The following OSR1 variants were observed in gnomAD, a reference collection of about 807,000 sequenced individuals.
OSR1 encodes the protein odd-skipped related transcription factor 1.
Under a neutral mutation model 15.7 loss-of-function variants are expected in OSR1, and 3 were observed. The observed-to-expected ratio is 0.19, with a 90% CI of 0.09 to 0.50. The LOEUF (loss-of-function observed/expected upper bound fraction) is 0.50. Among genes scored for constraint, OSR1 ranks in the 20% least tolerant of loss-of-function variants. The probability of loss-of-function intolerance (pLI) is 0.97; values close to 1 mark genes in which losing one functional copy is unlikely to be tolerated. For missense variants in OSR1, 271 were observed against 351.1 expected (o/e 0.77, Z 1.82); for synonymous variants, 166 against 152.7 (o/e 1.09, Z -0.64).
Position 19,352,267 on chromosome 2 carries a change from G to A in OSR1, c.*8C>T, listed in dbSNP as rs1468973783. On this transcript the variant is annotated 3_prime_UTR_variant, in exon 3 of 3. Transcript: ENST00000272223. ...GGGCCTAGGGTCCTTGTGACCCACAGGTTCTATTTAGCATTTGATCTTGGA... is the reference window on the plus strand; with the variant it reads ...GGGCCTAGGGTCCTTGTGACCCACAAGTTCTATTTAGCATTTGATCTTGGA... The A allele has an allele frequency of 1.9e-6, 3 of 1,614,052 alleles. No individual in the cohort carries two copies. The highest frequency in any genetic ancestry group is 1.6e-4 in the Middle Eastern group (1 of 6,062).
chr2:19,355,108 G>A (rs556492261), intron 1 of OSR1: 1 of 152,390 alleles, frequency 6.6e-6, no homozygotes, highest in South Asian at 2.1e-4. Flanking sequence ...AAAGAACAGG[G>A]TGAGCAAAGT....
At position 19,352,927 on chromosome 2, in the gene OSR1, C is replaced by G. The variant is rs1003211628; in HGVS notation, c.665+214G>C. Among the ~76,000 whole-genome samples, 9 of 152,304 alleles carry G rather than the reference C, an allele frequency of 5.9e-5. No homozygotes were observed. In the East Asian group the frequency reaches 1.5e-3, roughly 26 times the overall value. ...GCTTGTCTGGAGCTCACGGAGACCTCACTTAATCTTGGGTCCTCTTTATTC... is the reference window on the plus strand; with the variant it reads ...GCTTGTCTGGAGCTCACGGAGACCTGACTTAATCTTGGGTCCTCTTTATTC... On this transcript the variant is annotated intron_variant, in intron 2 of 2. Coordinates refer to ENST00000272223, the MANE Select transcript of OSR1 (RefSeq NM_145260.3).
At chr2:19,350,786 C>A (rs1216518180), downstream of OSR1, among the ~76,000 whole-genome samples, 11 of 152,164 alleles carry the variant, frequency 7.2e-5, no homozygotes, top group Non-Finnish European at 7.4e-5. Flanking sequence ...CTAAGCGTCC[C>A]GGGCCTCCCA....
chr2:19,353,258 T>A lies in OSR1; in HGVS notation c.548A>T (p.His183Leu). 6.2e-7 allele frequency: 1 copy of A among 1,614,196 alleles called. No individual in the cohort carries two copies. The highest frequency in any genetic ancestry group is 1.1e-5 in the South Asian group (1 of 91,086). ...AAGTAGGTTGTAGGACTTGGTGAAG[T>A]GGCGGCCACAGAACTTGCAGACGAA... ...KEFVCKFCGR[H>L]FTKSYNLLIH... Residue 183 changes from histidine (H) to leucine (L), a missense_variant, in exon 2 of 3, where the codon CAC becomes CTC. By Grantham distance (99) the His-to-Leu change is moderately conservative. This residue lies in a region of OSR1 where 32 missense variants were observed against 66.8 expected (regional missense o/e 0.48). Coordinates refer to ENST00000272223, the MANE Select transcript of OSR1 (RefSeq NM_145260.3).
At chr2:19,351,070 G>A (rs1664829083), downstream of OSR1, among the ~76,000 whole-genome samples, 1 of 152,178 alleles carries the variant, frequency 6.6e-6, no homozygotes, top group Non-Finnish European at 1.5e-5. Flanking sequence ...GGCCAGGAGG[G>A]AGGCCTTCGG....
At position 19,353,167 on chromosome 2, in the gene OSR1, C is replaced by T. The variant is rs1207208398; in HGVS notation, c.639G>A (p.Arg213=). Residue 213 remains arginine, a synonymous_variant, in exon 2 of 3, where the codon CGG becomes CGA. Transcript: ENST00000272223. ...TGTGGTCTCGCAGGTGGTCTTGCCT[C>T]CGGAAGGCTTTGTGGCAGATGTCAC... ...YTCDICHKAF[R]RQDHLRDHRY... 18 of 1,614,038 alleles carry T rather than the reference C, an allele frequency of 1.1e-5. No individual in the cohort carries two copies. Among genetic ancestry groups the T allele is most frequent in the Non-Finnish European group, 1.4e-5 (17 of 1,179,872 alleles).
At chr2:19,352,433 C>A (rs747221366) in intron 2 of OSR1, 23 bp from the exon 3 acceptor site, 25 of 1,613,090 alleles carry the variant, frequency 1.5e-5, no homozygotes, top group Non-Finnish European at 2.0e-5. Flanking sequence ...ACAGAGAGTT[C>A]ATCCTTGCAA....
At chr2:19,345,661 G>A in the OSR1 span, among the ~76,000 whole-genome samples, 1 of 152,138 alleles carries the variant, frequency 6.6e-6, no homozygotes, top group Non-Finnish European at 1.5e-5. Flanking sequence ...ATCTTAGAGT[G>A]TCCATGCTCA....
chr2:19,345,122 C>T, the OSR1 span, among the ~76,000 whole-genome samples: 1 of 152,006 alleles, frequency 6.6e-6, no homozygotes, highest in African/African-American at 2.4e-5. Flanking sequence ...ACCATCACGG[C>T]GGGAGTTTTT....
chr2:19,352,338 G>T lies in OSR1; in HGVS notation c.738C>A (p.Leu246=). 1 of 1,614,110 alleles carries T rather than the reference G, an allele frequency of 6.2e-7. No homozygotes were observed. Among genetic ancestry groups the T allele is most frequent in the Non-Finnish European group, 8.5e-7 (1 of 1,179,948 alleles). Residue 246 remains leucine (L), a synonymous_variant, in exon 3 of 3, where the codon CTC becomes CTA. Coordinates refer to ENST00000272223, the MANE Select transcript of OSR1 (RefSeq NM_145260.3). The stretch of plus-strand genomic sequence containing the variant: ...GTGAGTGTAGCGTCTTGTGGACAGC[G>T]AGAGTCCTGGACTGGCAGAATCCTT... ...CGKGFCQSRT[L]AVHKTLHSQV...
chr2:19,352,556 T>A, intron 2 of OSR1, 146 bp from the exon 3 acceptor site: 2 of 974,638 alleles, frequency 2.1e-6, no homozygotes, highest in Non-Finnish European at 3.0e-6. Flanking sequence ...GACAAAATGT[T>A]AATTGGGGAT....
At position 19,352,101 on chromosome 2, in the gene OSR1, C is replaced by T. The variant is rs374969140; in HGVS notation, c.*174G>A. 42 of 630,346 alleles carry T rather than the reference C, an allele frequency of 6.7e-5. No homozygotes were observed. In the African/African-American group the frequency reaches 7.5e-4, roughly 11 times the overall value. 39.0% of individuals were successfully genotyped at this position (630,346 alleles called of 1,614,324 possible). A position where few individuals can be genotyped will look rare whatever the true frequency, so the allele number is the denominator to read the frequency against. On this transcript the variant is annotated 3_prime_UTR_variant, in exon 3 of 3. Coordinates refer to ENST00000272223, the MANE Select transcript of OSR1 (RefSeq NM_145260.3). Reference sequence around the variant, plus strand: ...GGAGCAGCAGGGACGGTCGGGGTCGCGGCCCCGGGCGGGGCTCTGAAGTGC... The same window carrying T: ...GGAGCAGCAGGGACGGTCGGGGTCGTGGCCCCGGGCGGGGCTCTGAAGTGC...
In OSR1 at chr2:19,352,171, G is replaced by C; in HGVS notation, c.*104C>G. 1 of 1,331,156 alleles carries C rather than the reference G, an allele frequency of 7.5e-7. No individual in the cohort carries two copies. Among genetic ancestry groups the C allele is most frequent in the Non-Finnish European group, 1.0e-6 (1 of 969,774 alleles). 82.5% of individuals were successfully genotyped at this position (1,331,156 alleles called of 1,614,324 possible). On this transcript the variant is annotated 3_prime_UTR_variant, in exon 3 of 3. Transcript: ENST00000272223. ...GGGGACAATGTTGGAGAGGTGGAAG[G>C]TCCCGAGCGAGCGCCTCTCCCGCTG...
chr2:19,349,372 C>T (rs1664793108), downstream of OSR1, among the ~76,000 whole-genome samples: 1 of 152,180 alleles, frequency 6.6e-6, no homozygotes, highest in African/African-American at 2.4e-5. Flanking sequence ...TCTCTGAGTC[C>T]ACCGGGATAA....
Position 19,353,404 on chromosome 2 carries a change from G to A in OSR1, c.402C>T (p.Leu134=), listed in dbSNP as rs749541867. 6 of 1,614,024 alleles carry A rather than the reference G, an allele frequency of 3.7e-6. No homozygotes were observed. In the East Asian group the frequency reaches 8.9e-5, roughly 24 times the overall value. The stretch of plus-strand genomic sequence containing the variant: ...GGGAGCCTGGGCCCTCCCCGCGACC[G>A]AGCTTGGCCGGATCTTCTTGCGTTG... ...LAATQEDPAK[L]GRGEGPGSPA... is the part of the protein sequence containing the mutation. Residue 134 remains leucine (L), a synonymous_variant, in exon 2 of 3, where the codon CTC becomes CTT. Transcript: ENST00000272223.
At chr2:19,358,280 G>A (rs1180403741) in intron 1 of OSR1, 61 bp downstream of exon 1, 1 of 152,546 alleles carries the variant, frequency 6.6e-6, no homozygotes, top group African/African-American at 2.4e-5. Flanking sequence ...CAGTGACAAG[G>A]AACCTGGGAG....
chr2:19,348,227 C>T (rs1385879434), downstream of OSR1, among the ~76,000 whole-genome samples: 2 of 152,138 alleles, frequency 1.3e-5, no homozygotes, highest in Non-Finnish European at 2.9e-5. Context: ...CCGCCCTTCA[C>T]TCAGGACAGC....
Position 19,353,757 on chromosome 2 carries a change from G to T in OSR1, c.49C>A (p.Gln17Lys). The stretch of plus-strand genomic sequence containing the variant: ...TGAAGGAAGGAGTAGTTGGTGAGCT[G>T]CAGGGAAGGGTGGATAGGCACCGGC... ...PAPVPIHPSL[Q>K]LTNYSFLQAV... The change falls in exon 2 of 3, where the codon CAG becomes AAG. Residue 17 changes from glutamine to lysine, a missense_variant. Transcript: ENST00000272223. 6.2e-7 allele frequency: 1 copy of T among 1,613,842 alleles called. No homozygotes were observed. Among genetic ancestry groups the T allele is most frequent in the Middle Eastern group, 1.7e-4 (1 of 6,052 alleles).
chr2:19,352,156 T>A lies in OSR1; in HGVS notation c.*119A>T. ...TGCGCCAGGGACCCAGGGGACAATG[T>A]TGGAGAGGTGGAAGGTCCCGAGCGA... On this transcript the variant is annotated 3_prime_UTR_variant, in exon 3 of 3. Coordinates refer to ENST00000272223, the MANE Select transcript of OSR1 (RefSeq NM_145260.3). 3.4e-6 allele frequency: 4 copies of A among 1,175,626 alleles called. No homozygotes were observed. The South Asian group carries it at 4.7e-5, about 14-fold the overall frequency. The allele number at this position is 1,175,626 out of a possible 1,614,324, so 72.8% of individuals were successfully genotyped here.
Sources: gnomAD v4.1 joint callset for allele counts (sites outside exome capture counted in the v4.1 genomes callset) on GRCh38, gnomAD v4.1.1 for gene constraint, gnomAD v4.1.1 regional missense constraint, MANE v1.5 for transcripts, NCBI Gene and HGNC (gene_info 2026-07-23, HGNC 2026-07-21) for gene names.